The following STRN3 variants were observed in gnomAD, a reference collection of about 807,000 sequenced individuals.
STRN3 encodes the protein striatin 3.
In STRN3, 29 loss-of-function variants were observed where a neutral mutation model predicts 95.6. The observed-to-expected ratio is 0.30, with a 90% CI of 0.23 to 0.41. The LOEUF is 0.41. STRN3 is among the 10% of genes least tolerant of loss of function. STRN3 has a pLI of 1.00. For missense variants in STRN3, 890 were observed against 972.1 expected, an observed-to-expected ratio of 0.92 and a Z score of 1.12; for synonymous variants, 331 against 357.6, an observed-to-expected ratio of 0.93 and a Z score of 0.84.
chr14:30,969,373 C>CTT (rs1880710595), intron 1 of STRN3, among the ~76,000 whole-genome samples: 1 of 151,804 alleles, frequency 6.6e-6, no homozygotes, highest in Admixed American at 6.6e-5. Context: ...GGAGGCGGAG[C>CTT]TTGCAATGAG....
At chr14:30,896,794 A>G (rs1272312590) in intron 16 of STRN3, among the ~76,000 whole-genome samples, 1 of 152,226 alleles carries the variant, frequency 6.6e-6, no homozygotes, top group Non-Finnish European at 1.5e-5. Flanking sequence ...TTCCCCAGAT[A>G]TTAACAAAAA....
intron 1 of STRN3, among the ~76,000 whole-genome samples, chr14:30,986,468 C>T (rs930563513): frequency 6.6e-6 from 1 of 152,088 alleles, no homozygotes; most frequent in African/African-American, 2.4e-5. Context: ...TAGATAGTAG[C>T]CAGAAAGGAC....
At chr14:30,997,727 G>A (rs1178734605) in intron 1 of STRN3, among the ~76,000 whole-genome samples, 1 of 152,100 alleles carries the variant, frequency 6.6e-6, no homozygotes, top group Admixed American at 6.6e-5. Flanking sequence ...AAGATCCCTT[G>A]AACCCTCTAA....
At chr14:31,013,968 T>C (rs954848536) in intron 1 of STRN3, among the ~76,000 whole-genome samples, 2 of 146,298 alleles carry the variant, frequency 1.4e-5, no homozygotes, top group East Asian at 3.9e-4. Context: ...AGTGGTGAGA[T>C]CATGGCTCAC....
chr14:30,895,617 A>T, intron 17 of STRN3, 37 bp from the exon 18 acceptor site: 1 of 1,610,518 alleles, frequency 6.2e-7, no homozygotes, highest in Non-Finnish European at 8.5e-7. Context: ...ACTGAGTAAC[A>T]ATCTTTTATA....
At chr14:30,972,672 G>A (rs537597560) in intron 1 of STRN3, among the ~76,000 whole-genome samples, 10 of 152,104 alleles carry the variant, frequency 6.6e-5, no homozygotes, top group Non-Finnish European at 1.3e-4. Context: ...GCTGGGTATG[G>A]TGGTGCACAC....
intron 1 of STRN3, among the ~76,000 whole-genome samples, chr14:31,020,175 A>C (rs1883437416): frequency 6.6e-6 from 1 of 152,234 alleles, no homozygotes; most frequent in Non-Finnish European, 1.5e-5. Context: ...AAATGTACTG[A>C]AGAACCAAAA....
At chr14:30,929,953 G>GCAAAAAAAAAAA (rs1231468632) in intron 7 of STRN3, among the ~76,000 whole-genome samples, 137 of 7,830 alleles carry the variant, frequency 0.017, 15 homozygotes, top group African/African-American at 0.038. Context: ...ACTAAGATTA[G>GCAAAAAAAAAAA]CAAAAAAAAA....
rs1883923851 is a variant in STRN3 at position 31,026,278 on chromosome 14, G to A, written c.-93C>T. 1 of 1,286,568 alleles carries A rather than the reference G, an allele frequency of 7.8e-7. No homozygotes were observed. Among genetic ancestry groups the A allele is most frequent in the Non-Finnish European group, 9.9e-7 (1 of 1,005,990 alleles). The allele number at this position is 1,286,568 out of a possible 1,614,324, so 79.7% of individuals were successfully genotyped here. On this transcript the variant is annotated 5_prime_UTR_variant, in exon 1 of 18. Coordinates refer to ENST00000357479, the MANE Select transcript of STRN3 (RefSeq NM_001083893.2). ...GGCCCCGCGCTGGCTGCGGGGCGGA[G>A]GCCGGCCGGGAGAGGGGCGGGGAAG...
intron 16 of STRN3, 23 bp downstream of exon 16, chr14:30,902,513 T>G (rs773981041): frequency 6.8e-7 from 1 of 1,464,576 alleles, no homozygotes; most frequent in South Asian, 1.2e-5. Context: ...ATTACTAATA[T>G]GAAAAGAAGA....
chr14:30,963,820 A>T (rs1880332817), intron 1 of STRN3, among the ~76,000 whole-genome samples: 1 of 152,254 alleles, frequency 6.6e-6, no homozygotes, highest in East Asian at 1.9e-4. Context: ...AATTTATGGA[A>T]ATTAAACAAC....
intron 1 of STRN3, among the ~76,000 whole-genome samples, chr14:30,988,445 A>G (rs1422535662): frequency 6.6e-6 from 1 of 152,208 alleles, no homozygotes; most frequent in Non-Finnish European, 1.5e-5. Context: ...TACCAAATAT[A>G]TTTACTCAAC....
chr14:30,970,844 T>C (rs888071050), intron 1 of STRN3, among the ~76,000 whole-genome samples: 1 of 152,236 alleles, frequency 6.6e-6, no homozygotes, highest in Non-Finnish European at 1.5e-5. Context: ...GCAACTGTTA[T>C]GTTTGTGCGC....
rs1436933558 is a variant in STRN3 at position 30,949,623 on chromosome 14, A to G, written c.542+1240T>C. ...CTCTTGAGTCCGGGAGGCGGAGGTG[A>G]TAGTGAGCAGAGATTGTGCCACTGC... On this transcript the variant is annotated intron_variant, in intron 4 of 17. Transcript: ENST00000357479. Among the ~76,000 whole-genome samples, 3 of 151,994 alleles carry G rather than the reference A, an allele frequency of 2.0e-5. No individual in the cohort carries two copies. The East Asian group carries it at 5.8e-4, about 29-fold the overall frequency.
intron 1 of STRN3, among the ~76,000 whole-genome samples, chr14:31,019,305 T>A (rs1883391496): frequency 6.6e-6 from 1 of 152,134 alleles, no homozygotes; most frequent in Non-Finnish European, 1.5e-5. Context: ...TGAGACCCTG[T>A]CTCTTAAAAA....
chr14:31,015,618 C>A (rs1257934178), intron 1 of STRN3, among the ~76,000 whole-genome samples: 4 of 152,168 alleles, frequency 2.6e-5, no homozygotes, highest in African/African-American at 7.2e-5. Context: ...GGTGATCCAC[C>A]CGCCTTGGCC....
At chr14:30,969,313 T>C (rs1344027387) in intron 1 of STRN3, among the ~76,000 whole-genome samples, 1 of 152,048 alleles carries the variant, frequency 6.6e-6, no homozygotes, top group African/African-American at 2.4e-5. Flanking sequence ...GGCAGGTGCC[T>C]TTAGTGCCAG....
At chr14:30,905,285 CTG>C in intron 15 of STRN3, 131 bp downstream of exon 15, 1 of 981,082 alleles carries the variant, frequency 1.0e-6, no homozygotes, top group Non-Finnish European at 1.4e-6. Context: ...ATAAGTATAA[CTG>C]TAACATTATG....
intron 1 of STRN3, among the ~76,000 whole-genome samples, chr14:30,982,063 A>C (rs1881431693): frequency 8.1e-6 from 1 of 123,144 alleles, no homozygotes; most frequent in Admixed American, 1.1e-4. Context: ...GTGCCACTGC[A>C]CTCCAGCCTG....
Sources: allele counts gnomAD v4.1 joint callset (sites outside exome capture counted in the v4.1 genomes callset), GRCh38; gene constraint gnomAD v4.1.1; transcripts MANE v1.5; gene names NCBI Gene and HGNC (gene_info 2026-07-23, HGNC 2026-07-21).